CDH12: variants seen among roughly 807,000 people sequenced by gnomAD.
CDH12 encodes cadherin 12.
A neutral mutation model predicts 74.1 loss-of-function variants in CDH12; 41 were observed. The observed-to-expected ratio is 0.55, with a 90% confidence interval of 0.43 to 0.72. The LOEUF is 0.72. Among genes scored for constraint, CDH12 ranks in the 30% least tolerant of loss-of-function variants. CDH12 has a pLI of 0.00. For synonymous variants in CDH12, 399 were observed against 355.0 expected (o/e 1.12, Z -1.39); for missense variants, 945 against 977.2 (o/e 0.97, Z 0.44).
chr5:22,095,278 G>T (rs1169479260), intron 4 of CDH12, among the ~76,000 whole-genome samples: 2 of 151,830 alleles, frequency 1.3e-5, no homozygotes, highest in African/African-American at 4.8e-5. Flanking sequence ...TTTCAATCTT[G>T]GTGCCACCCT....
chr5:21,935,151 T>C (rs1561311051), intron 6 of CDH12, among the ~76,000 whole-genome samples: 1 of 152,110 alleles, frequency 6.6e-6, no homozygotes, highest in Non-Finnish European at 1.5e-5. Context: ...CCTCCTCTTC[T>C]ACCTACTCCA....
At chr5:22,145,577 C>T (rs1747105150) in intron 4 of CDH12, among the ~76,000 whole-genome samples, 1 of 151,958 alleles carries the variant, frequency 6.6e-6, no homozygotes, top group Non-Finnish European at 1.5e-5. Flanking sequence ...AATAAACACA[C>T]AATATATCAA....
At chr5:22,270,818 C>T (rs946426361) in intron 3 of CDH12, among the ~76,000 whole-genome samples, 2 of 151,710 alleles carry the variant, frequency 1.3e-5, no homozygotes. Context: ...ATTACAGGTG[C>T]CTGCTACTAC....
intron 5 of CDH12, among the ~76,000 whole-genome samples, chr5:22,013,700 T>G (rs1472703375): frequency 6.6e-6 from 1 of 152,180 alleles, no homozygotes; most frequent in African/African-American, 2.4e-5. Context: ...TAAAGCAGTT[T>G]TAAAAACCCT....
At chr5:22,413,874 T>A (rs2126478903) in intron 2 of CDH12, among the ~76,000 whole-genome samples, 1 of 152,144 alleles carries the variant, frequency 6.6e-6, no homozygotes, top group South Asian at 2.1e-4. Context: ...AATCTAAGTT[T>A]TCTTTTCTTC....
intron 1 of CDH12, among the ~76,000 whole-genome samples, chr5:22,705,986 C>T (rs879617657): frequency 2.0e-5 from 3 of 151,950 alleles, no homozygotes; most frequent in Non-Finnish European, 4.4e-5. Flanking sequence ...TGTCATAAAA[C>T]ATGATATGAC....
At chr5:22,403,056 A>C (rs1453600335) in intron 3 of CDH12, among the ~76,000 whole-genome samples, 1 of 152,212 alleles carries the variant, frequency 6.6e-6, no homozygotes, top group East Asian at 1.9e-4. Context: ...AATAAAGAAG[A>C]AATAACTACT....
At chr5:22,346,086 A>G (rs1740099451) in intron 3 of CDH12, among the ~76,000 whole-genome samples, 1 of 147,252 alleles carries the variant, frequency 6.8e-6, no homozygotes, top group Non-Finnish European at 1.5e-5. Flanking sequence ...ATCCTGGGTG[A>G]CAGAGAAAGA....
chr5:21,823,468 A>G (rs2149954901), intron 8 of CDH12, among the ~76,000 whole-genome samples: 2 of 152,214 alleles, frequency 1.3e-5, no homozygotes, highest in Middle Eastern at 6.8e-3. Context: ...TGTTGCTGCA[A>G]TTTGGCAAAC....
chr5:22,760,197 G>A (rs1476747152), intron 1 of CDH12, among the ~76,000 whole-genome samples: 1 of 152,112 alleles, frequency 6.6e-6, no homozygotes, highest in Non-Finnish European at 1.5e-5. Context: ...CTGAGAAGTT[G>A]ACAGCTGACA....
At chr5:22,007,774 A>G (rs931901692) in intron 5 of CDH12, among the ~76,000 whole-genome samples, 1 of 152,192 alleles carries the variant, frequency 6.6e-6, no homozygotes, top group Non-Finnish European at 1.5e-5. Flanking sequence ...CCTTTCATTT[A>G]TACAAAATCA....
chr5:22,836,213 C>CTCTTTTT (rs1402972549), intron 1 of CDH12, among the ~76,000 whole-genome samples: 2 of 37,954 alleles, frequency 5.3e-5, no homozygotes, highest in Non-Finnish European at 1.1e-4. Context: ...TTCTTTTTTT[C>CTCTTTTT]TTTCTTTCTC....
intron 3 of CDH12, among the ~76,000 whole-genome samples, chr5:22,237,780 G>C (rs981803032): frequency 1.3e-5 from 2 of 152,190 alleles, no homozygotes; most frequent in Non-Finnish European, 2.9e-5. Context: ...TGGAACAGAA[G>C]ATGAGGAAGC....
At chr5:22,687,562 C>T (rs112373025) in intron 1 of CDH12, among the ~76,000 whole-genome samples, 17,877 of 151,892 alleles carry the variant, frequency 0.12, 1,379 homozygotes, top group Admixed American at 0.2. Flanking sequence ...CACAAGCCAC[C>T]AATGCCCAGG....
chr5:22,658,588 T>C (rs187746575), intron 1 of CDH12, among the ~76,000 whole-genome samples: 96 of 152,178 alleles, frequency 6.3e-4, no homozygotes, highest in African/African-American at 2.2e-3. Flanking sequence ...ACATTTTACT[T>C]TTTGCTTGTC....
intron 3 of CDH12, among the ~76,000 whole-genome samples, chr5:22,239,994 C>T (rs1434446168): frequency 6.6e-6 from 1 of 152,142 alleles, no homozygotes; most frequent in Non-Finnish European, 1.5e-5. Context: ...ATATTCTCTT[C>T]CTTAGTATAA....
Position 21,880,651 on chromosome 5 carries a change from C to A in CDH12, c.527-25861G>T, listed in dbSNP as rs1368932572. 3.2e-5 allele frequency among the ~76,000 whole-genome samples: 4 copies of A among 124,364 alleles called. No individual in the cohort carries two copies. In the Admixed American group the frequency reaches 3.7e-4, roughly 11 times the overall value. 81.6% of individuals were successfully genotyped at this position (124,364 alleles called of 152,430 possible). A position where few individuals can be genotyped will look rare whatever the true frequency, so the allele number is the denominator to read the frequency against. ...TCTTTCTTTCTTTCTTTCTTTCTTT[C>A]TTTCTTTCTTTCTTTCTTTCTTTCT... On this transcript the variant is annotated intron_variant, in intron 6 of 14. Coordinates refer to ENST00000382254, the MANE Select transcript of CDH12 (RefSeq NM_004061.5).
intron 1 of CDH12, among the ~76,000 whole-genome samples, chr5:22,762,717 C>T (rs765807295): frequency 7.9e-5 from 12 of 151,956 alleles, no homozygotes; most frequent in Non-Finnish European, 1.5e-4. Flanking sequence ...TTACTGTTTG[C>T]GTCAGGAAAT....
chr5:22,165,546 T>C (rs2150323223), intron 4 of CDH12, among the ~76,000 whole-genome samples: 1 of 151,876 alleles, frequency 6.6e-6, no homozygotes, highest in East Asian at 1.9e-4. Context: ...ATTCCAAGCA[T>C]TTGTGGTCAA....
Sources: gnomAD v4.1 joint callset for allele counts (sites outside exome capture counted in the v4.1 genomes callset) on GRCh38, gnomAD v4.1.1 for gene constraint, MANE v1.5 for transcripts, NCBI Gene and HGNC (gene_info 2026-07-23, HGNC 2026-07-21) for gene names.